The following TSNARE1 variants were observed in gnomAD, a reference collection of about 807,000 sequenced individuals.
TSNARE1 encodes t-SNARE domain containing 1, also known as t-SNARE domain-containing protein 1.
In TSNARE1, 49 loss-of-function variants were observed where a neutral mutation model predicts 62.0. The observed-to-expected ratio is 0.79, with a 90% CI of 0.63 to 1.00. The LOEUF is 1.00. TSNARE1 is among the 50% of genes least tolerant of loss of function. The pLI is 0.00. For synonymous variants in TSNARE1, 328 were observed against 294.4 expected (o/e 1.11, Z -1.17); for missense variants, 755 against 700.1 (o/e 1.08, Z -0.88).
At chr8:142,271,349 A>G (rs1819518837) in intron 12 of TSNARE1, 3 of 1,186,568 alleles carry the variant, frequency 2.5e-6, no homozygotes, top group Non-Finnish European at 3.1e-6. Flanking sequence ...TTGCTGGGCC[A>G]TGAGTGTGCT....
chr8:142,323,275 A>G (rs1829755142), intron 6 of TSNARE1, among the ~76,000 whole-genome samples: 1 of 152,214 alleles, frequency 6.6e-6, no homozygotes, highest in African/African-American at 2.4e-5. Flanking sequence ...ATGTATACTG[A>G]GCTACAAAGG....
intron 9 of TSNARE1, among the ~76,000 whole-genome samples, chr8:142,306,066 G>A (rs1479081547): frequency 6.6e-6 from 1 of 152,224 alleles, no homozygotes; most frequent in Non-Finnish European, 1.5e-5. Context: ...CACACAGGGA[G>A]TGGTGGTGTC....
At chr8:142,251,244 C>T (rs541291167) in intron 12 of TSNARE1, among the ~76,000 whole-genome samples, 75 of 151,782 alleles carry the variant, frequency 4.9e-4, no homozygotes, top group Non-Finnish European at 8.8e-4. Flanking sequence ...CCCTGCACAC[C>T]GCAGCCTGCC....
intron 12 of TSNARE1, among the ~76,000 whole-genome samples, chr8:142,247,421 T>G (rs1817932278): frequency 6.6e-6 from 1 of 152,238 alleles, no homozygotes. Flanking sequence ...CCCTTTCTTC[T>G]TTCCTGTTTC....
chr8:142,352,571 T>C (rs1055875958), intron 2 of TSNARE1, among the ~76,000 whole-genome samples: 1 of 152,258 alleles, frequency 6.6e-6, no homozygotes, highest in Non-Finnish European at 1.5e-5. Flanking sequence ...GACGCCGCGG[T>C]GTGCTCACAG....
intron 3 of TSNARE1, 65 bp downstream of exon 3, chr8:142,345,678 C>G: frequency 2.0e-6 from 3 of 1,475,314 alleles, no homozygotes. Flanking sequence ...CCCTGCCCTC[C>G]TCAGCACCTG....
chr8:142,335,878 C>T lies in TSNARE1; in HGVS notation c.746-4047G>A, dbSNP rs770754321. On this transcript the variant is annotated intron_variant, in intron 4 of 13. Transcript: ENST00000524325. ...AGCCCCATGTGGCAAATGGCTGTCA[C>T]GATGAAGAATGCAGATGACAGGGCC... Among the ~76,000 whole-genome samples, 6 of 152,188 alleles carry T rather than the reference C, an allele frequency of 3.9e-5. No homozygotes were observed. The East Asian group carries it at 9.6e-4, about 24-fold the overall frequency.
chr8:142,315,086 G>T lies in TSNARE1; in HGVS notation c.991C>A (p.Arg331Ser). 4.3e-6 allele frequency: 7 copies of T among 1,613,966 alleles called. No individual in the cohort carries two copies. Among genetic ancestry groups the T allele is most frequent in the Non-Finnish European group, 5.9e-6 (7 of 1,179,934 alleles). ...ELLRSSCPQE[R>S]LQQERPQLDR... ...AGCTGAGGACGCTCCTGCTGCAGAC[G>T]CTCCTGCTGCAGAGAAGGTACAGCT... Residue 331 changes from arginine (R) to serine (S), a missense_variant, in exon 8 of 14, where the codon CGT becomes AGT. Coordinates refer to ENST00000524325, the MANE Select transcript of TSNARE1 (RefSeq NM_145003.5).
At chr8:142,274,720 G>A in intron 12 of TSNARE1, 61 bp downstream of exon 12, 1 of 1,430,860 alleles carries the variant, frequency 7.0e-7, no homozygotes, top group Non-Finnish European at 9.2e-7. Flanking sequence ...CGGAGGGAGG[G>A]TTGGAGGATA....
intron 11 of TSNARE1, chr8:142,277,095 C>A: frequency 1.0e-6 from 1 of 985,394 alleles, no homozygotes; most frequent in Non-Finnish European, 1.2e-6. Context: ...AGCCATCAGC[C>A]CTGGGCCCAG....
At chr8:142,238,728 C>T (rs929327717) in intron 12 of TSNARE1, among the ~76,000 whole-genome samples, 9 of 150,606 alleles carry the variant, frequency 6.0e-5, no homozygotes, top group Non-Finnish European at 7.4e-5. Flanking sequence ...CCTGCACACC[C>T]GCCCCTGCAC....
intron 13 of TSNARE1, among the ~76,000 whole-genome samples, chr8:142,223,240 C>CCACTCACTCATT (rs1563757057): frequency 7.2e-5 from 10 of 138,510 alleles, no homozygotes; most frequent in African/African-American, 2.9e-4. Flanking sequence ...ACTCATTCAT[C>CCACTCACTCATT]CACTCACTCA....
At chr8:142,244,377 A>G (rs1817792241) in intron 12 of TSNARE1, among the ~76,000 whole-genome samples, 1 of 152,230 alleles carries the variant, frequency 6.6e-6, no homozygotes, top group East Asian at 1.9e-4. Flanking sequence ...CATCATTTAT[A>G]GAAACAAACA....
At chr8:142,332,509 C>A (rs1254291404) in intron 4 of TSNARE1, among the ~76,000 whole-genome samples, 1 of 152,178 alleles carries the variant, frequency 6.6e-6, no homozygotes, top group Non-Finnish European at 1.5e-5. Context: ...TTCTAACAGA[C>A]ACTGAGCTAT....
At chr8:142,282,014 C>A (rs758530975) in intron 11 of TSNARE1, among the ~76,000 whole-genome samples, 1 of 152,190 alleles carries the variant, frequency 6.6e-6, no homozygotes. Context: ...TACAGCCTGG[C>A]GCTAAGGTAG....
At chr8:142,328,598 G>A (rs538152434) in intron 6 of TSNARE1, among the ~76,000 whole-genome samples, 9 of 152,328 alleles carry the variant, frequency 5.9e-5, no homozygotes, top group South Asian at 4.1e-4. Context: ...TTATTTGAGC[G>A]CTAGTTCTTC....
intron 1 of TSNARE1, among the ~76,000 whole-genome samples, chr8:142,356,161 C>T (rs1834715108): frequency 6.6e-6 from 1 of 152,230 alleles, no homozygotes; most frequent in African/African-American, 2.4e-5. Flanking sequence ...TCGTGGCACC[C>T]TCCGGGCAGG....
chr8:142,256,099 A>T (rs1238301684), intron 12 of TSNARE1, among the ~76,000 whole-genome samples: 3 of 114,396 alleles, frequency 2.6e-5, no homozygotes, highest in African/African-American at 1.0e-4. Context: ...CACTGTCAGC[A>T]TCACCACCAC....
chr8:142,236,431 G>A (rs984423397), intron 12 of TSNARE1, among the ~76,000 whole-genome samples: 1 of 151,804 alleles, frequency 6.6e-6, no homozygotes, highest in African/African-American at 2.4e-5. Context: ...CCTCCTTCCT[G>A]CACCAAGTAT....
Sources: gnomAD v4.1 joint callset for allele counts (sites outside exome capture counted in the v4.1 genomes callset) on GRCh38, gnomAD v4.1.1 for gene constraint, MANE v1.5 for transcripts, NCBI Gene and HGNC (gene_info 2026-07-23, HGNC 2026-07-21) for gene names.